RREB1: variants seen among roughly 807,000 people sequenced by gnomAD.
RREB1 encodes the protein ras responsive element binding protein 1.
In RREB1, 27 loss-of-function variants were observed where a neutral mutation model predicts 117.8. The ratio of observed to expected loss-of-function variants is 0.23; its 90% CI spans 0.17 to 0.32. The LOEUF is 0.32. Ranked by LOEUF, RREB1 falls within the 10% of genes least tolerant of loss-of-function variation. The pLI is 1.00. For missense variants in RREB1, 2,577 were observed against 2,378.2 expected, an observed-to-expected ratio of 1.08 and a Z score of -1.74; for synonymous variants, 1,298 against 1,026.7, an observed-to-expected ratio of 1.26 and a Z score of -5.05.
At chr6:7,232,036 T>C in intron 10 of RREB1, 129 bp downstream of exon 10, 1 of 957,728 alleles carries the variant, frequency 1.0e-6, no homozygotes, top group African/African-American at 1.6e-5. Context: ...TTCCCCGGTC[T>C]CCGAAGCCCC....
chr6:7,225,451 A>G (rs1452270326), intron 8 of RREB1, among the ~76,000 whole-genome samples: 1 of 152,192 alleles, frequency 6.6e-6, no homozygotes, highest in Non-Finnish European at 1.5e-5. Context: ...ATAATACCAT[A>G]ACGATGGTAT....
chr6:7,143,446 G>A (rs1177910580), intron 1 of RREB1, among the ~76,000 whole-genome samples: 1 of 152,180 alleles, frequency 6.6e-6, no homozygotes, highest in Non-Finnish European at 1.5e-5. Flanking sequence ...GAAGGGTGTG[G>A]GGAGGTGCAT....
Position 7,230,921 on chromosome 6 carries a change from A to G in RREB1, c.2822A>G (p.Lys941Arg), listed in dbSNP as rs542775908. ...SMEPIDLSIP[K>R]NFRKGDKDLA... ...GAGCCCATCGACCTGTCCATCCCCA[A>G]GAACTTCAGGAAAGGGGACAAGGAT... The change falls in exon 10 of 13, where the codon AAG becomes AGG. Residue 941 changes from lysine to arginine, a missense_variant. By Grantham distance (26) the Lys-to-Arg change is conservative. Coordinates refer to ENST00000379938, the MANE Select transcript of RREB1 (RefSeq NM_001003699.4). The G allele has an allele frequency of 3.1e-6, 5 of 1,614,084 alleles. No individual in the cohort carries two copies. Among genetic ancestry groups the G allele is most frequent in the South Asian group, 2.2e-5 (2 of 91,064 alleles).
At chr6:7,245,074 T>C (rs1293998550) in intron 11 of RREB1, among the ~76,000 whole-genome samples, 2 of 152,146 alleles carry the variant, frequency 1.3e-5, no homozygotes, top group Admixed American at 6.5e-5. Flanking sequence ...CACCCAATTA[T>C]CAGAGGAACT....
intron 4 of RREB1, chr6:7,183,975 T>A (rs1561767349): frequency 6.6e-6 from 1 of 152,144 alleles, no homozygotes; most frequent in Non-Finnish European, 1.5e-5. Flanking sequence ...TGGTTAGTTA[T>A]CACATTAGCT....
chr6:7,108,091 G>C (rs1760914493), intron 1 of RREB1, 31 bp downstream of exon 1: 1 of 152,300 alleles, frequency 6.6e-6, no homozygotes, highest in Non-Finnish European at 1.5e-5. Context: ...CCGACTCGCG[G>C]TACGCCGGCG....
intron 8 of RREB1, among the ~76,000 whole-genome samples, chr6:7,222,667 T>G (rs1767333541): frequency 6.6e-6 from 1 of 152,004 alleles, no homozygotes; most frequent in South Asian, 2.1e-4. Flanking sequence ...ACCTCAATGT[T>G]ATTAAAAATT....
chr6:7,242,703 G>A (rs573906187), intron 11 of RREB1, among the ~76,000 whole-genome samples: 7 of 151,294 alleles, frequency 4.6e-5, no homozygotes, highest in Non-Finnish European at 1.0e-4. Flanking sequence ...AAAAAAAAGG[G>A]GGGGGGGGAA....
In RREB1 at chr6:7,247,064, A is replaced by C. The variant is rs746103201; in HGVS notation, c.4614A>C (p.Lys1538Asn). Residue 1538 changes from lysine to asparagine, a missense_variant, in exon 12 of 13, where the codon AAA becomes AAC. By Grantham distance (94) the Lys-to-Asn change is moderately conservative. Coordinates refer to ENST00000379938, the MANE Select transcript of RREB1 (RefSeq NM_001003699.4). ...GPSDGESAAE[K>N]RSSEKSDDDK... ...CCGACGGGGAGAGCGCGGCCGAGAA[A>C]AGGTCCTCAGAGAAGAGCGACGATG... 32 of 1,613,512 alleles carry C rather than the reference A, an allele frequency of 2.0e-5. No homozygotes were observed. In the East Asian group the frequency reaches 5.6e-4, roughly 28 times the overall value.
At chr6:7,109,299 G>C (rs1195808511) in intron 1 of RREB1, among the ~76,000 whole-genome samples, 1 of 150,004 alleles carries the variant, frequency 6.7e-6, no homozygotes, top group East Asian at 2.0e-4. Flanking sequence ...CGGGCCCCCC[G>C]CGCCCCCTCC....
In RREB1 at chr6:7,249,858, G is replaced by C. The variant is rs1181422755; in HGVS notation, c.*890G>C. On this transcript the variant is annotated 3_prime_UTR_variant, in exon 13 of 13. Transcript: ENST00000379938. ...AGTTTGCTGTTCTCTGCAGTGAGCA[G>C]AATCAAATGGGCAATATTTGTCCTG... 1 of 152,442 alleles carries C rather than the reference G, an allele frequency of 6.6e-6. No homozygotes were observed. The highest frequency in any genetic ancestry group is 2.4e-5 in the African/African-American group (1 of 41,362). 9.4% of individuals were successfully genotyped at this position (152,442 alleles called of 1,614,324 possible).
intron 10 of RREB1, among the ~76,000 whole-genome samples, chr6:7,236,794 T>A (rs1768351653): frequency 1.3e-5 from 2 of 151,196 alleles, no homozygotes; most frequent in Admixed American, 1.3e-4. Flanking sequence ...CTATTCTCAC[T>A]GTTCACTCTT....
intron 1 of RREB1, among the ~76,000 whole-genome samples, chr6:7,176,085 T>C (rs972624604): frequency 6.6e-5 from 10 of 152,066 alleles, no homozygotes; most frequent in Admixed American, 3.9e-4. Context: ...CCCAGCTGAT[T>C]TTTGTGTTTT....
At chr6:7,187,307 G>A (rs1231476909) in intron 4 of RREB1, 127 bp from the exon 5 acceptor site, 3 of 481,434 alleles carry the variant, frequency 6.2e-6, no homozygotes, top group East Asian at 3.2e-5. Context: ...GCTTATACCT[G>A]GGCAGGTTCT....
chr6:7,146,736 A>G lies in RREB1; in HGVS notation c.-284-29919A>G, dbSNP rs899134895. 8.6e-5 allele frequency among the ~76,000 whole-genome samples: 12 copies of G among 140,216 alleles called. No individual in the cohort carries two copies. The East Asian group carries it at 2.7e-3, about 32-fold the overall frequency. The allele number at this position is 140,216 out of a possible 152,430, so 92.0% of individuals were successfully genotyped here. A position where few individuals can be genotyped will look rare whatever the true frequency, so the allele number is the denominator to read the frequency against. ...TGTTAGAAGCAGACTCACATAGGCT[A>G]TTTCTGGTGTGTCGTGGCTTTCTTC... On this transcript the variant is annotated intron_variant, in intron 1 of 12. Coordinates refer to ENST00000379938, the MANE Select transcript of RREB1 (RefSeq NM_001003699.4).
rs771767720 is a variant in RREB1 at position 7,229,827 on chromosome 6, G to C, written c.1728G>C (p.Arg576=). 1 of 1,610,136 alleles carries C rather than the reference G, an allele frequency of 6.2e-7. No individual in the cohort carries two copies. Among genetic ancestry groups the C allele is most frequent in the Non-Finnish European group, 8.5e-7 (1 of 1,178,426 alleles). The change falls in exon 10 of 13, where the codon CGG becomes CGC. Residue 576 remains arginine (R), a synonymous_variant. Transcript: ENST00000379938. This position sits in a 1 kb window ranked among gnomAD's most constrained non-coding sequence, Gnocchi z 4.5. ...KSGTQPHAAT[R]LSLQQPRAEL... ...GGACCCAGCCCCACGCGGCCACGCGGCTCTCCCTGCAGCAGCCGCGGGCGG... is the reference window on the plus strand; with the variant it reads ...GGACCCAGCCCCACGCGGCCACGCGCCTCTCCCTGCAGCAGCCGCGGGCGG...
Position 7,248,988 on chromosome 6 carries a change from C to T in RREB1, c.*20C>T. The T allele has an allele frequency of 6.9e-7, 1 of 1,448,634 alleles. No individual in the cohort carries two copies. The highest frequency in any genetic ancestry group is 9.0e-7 in the Non-Finnish European group (1 of 1,106,526). 89.7% of individuals were successfully genotyped at this position (1,448,634 alleles called of 1,614,324 possible). On this transcript the variant is annotated 3_prime_UTR_variant, in exon 13 of 13. Transcript: ENST00000379938. ...GAGTGACAGCCTCAGTCCCCCTCAG[C>T]ACAGACAAAAGCCAGCAGAGCAAAG... is the stretch of plus-strand genomic sequence containing the variant.
chr6:7,195,229 A>G (rs981641560), intron 6 of RREB1, among the ~76,000 whole-genome samples: 1 of 152,236 alleles, frequency 6.6e-6, no homozygotes, highest in African/African-American at 2.4e-5. Flanking sequence ...ACTAGGGATT[A>G]TCATACTACA....
intron 1 of RREB1, among the ~76,000 whole-genome samples, chr6:7,162,386 C>G (rs1052198267): frequency 6.6e-5 from 10 of 152,182 alleles, no homozygotes; most frequent in African/African-American, 1.9e-4. Flanking sequence ...ATCTCTTCTT[C>G]AAGCTCAGGT....
Sources: allele counts gnomAD v4.1 joint callset (sites outside exome capture counted in the v4.1 genomes callset), GRCh38; gene constraint gnomAD v4.1.1; non-coding constraint Gnocchi (gnomAD v3.1); transcripts MANE v1.5; gene names NCBI Gene and HGNC (gene_info 2026-07-23, HGNC 2026-07-21).